The following SEPTIN6 variants were observed in gnomAD, a reference collection of about 807,000 sequenced individuals.
SEPTIN6 encodes the protein septin 6.
SEPTIN6 carries 8 observed loss-of-function variants against 33.6 expected under a neutral mutation model. That is an observed-to-expected ratio of 0.24 (90% CI 0.14 to 0.43). SEPTIN6 has a LOEUF of 0.43. SEPTIN6 is among the 20% of genes least tolerant of loss of function. SEPTIN6 has a pLI of 1.00. For synonymous variants in SEPTIN6, 131 were observed against 140.0 expected, an observed-to-expected ratio of 0.94 and a Z score of 0.45; for missense variants, 250 against 340.8, an observed-to-expected ratio of 0.73 and a Z score of 2.10.
In SEPTIN6 at chrX:119,667,312, C is replaced by A. The variant is rs1302421491; in HGVS notation, c.146-3635G>T. ...GAAGGCCTCAGGGGCAGCACCGCAGCGTTGAGGGACCCACCCTGTTTGCAC... is the reference window on the plus strand; with the variant it reads ...GAAGGCCTCAGGGGCAGCACCGCAGAGTTGAGGGACCCACCCTGTTTGCAC... On this transcript the variant is annotated intron_variant, in intron 2 of 10. Transcript: ENST00000394610. Among the ~76,000 whole-genome samples, 3 of 109,017 alleles carry A rather than the reference C, an allele frequency of 2.8e-5. No individual in the cohort carries two copies. The East Asian group carries it at 8.6e-4, about 31-fold the overall frequency. 94.7% of individuals were successfully genotyped at this position (109,017 alleles called of 115,157 possible).
At chrX:119,674,742 G>A (rs1487043603) in intron 2 of SEPTIN6, among the ~76,000 whole-genome samples, 2 of 111,951 alleles carry the variant, frequency 1.8e-5, no homozygotes, top group South Asian at 3.7e-4. Context: ...TGCTCACTTC[G>A]CAGAGTCCTG....
At chrX:119,636,437 G>T (rs778428486) in intron 7 of SEPTIN6, among the ~76,000 whole-genome samples, 3 of 111,874 alleles carry the variant, frequency 2.7e-5, no homozygotes, top group Non-Finnish European at 5.6e-5. Flanking sequence ...TAAGAAATAT[G>T]GCAGTGATGA....
chrX:119,681,590 A>T (rs1390957848), intron 1 of SEPTIN6, among the ~76,000 whole-genome samples: 1 of 111,721 alleles, frequency 9.0e-6, no homozygotes, highest in Admixed American at 9.6e-5. Context: ...CTAAATGTCC[A>T]ACAATAGGAA....
intron 2 of SEPTIN6, among the ~76,000 whole-genome samples, chrX:119,666,976 G>A (rs12012360): frequency 0.02 from 2,229 of 111,030 alleles, 58 homozygotes; most frequent in African/African-American, 0.068. Context: ...CGAGGGCACT[G>A]AGGTTTGAGC....
intron 7 of SEPTIN6, chrX:119,635,221 C>T: frequency 3.4e-6 from 1 of 292,514 alleles, no homozygotes; most frequent in Non-Finnish European, 6.7e-6. Flanking sequence ...CTTAAGAGGG[C>T]AGAAGATGAA....
At chrX:119,646,718 C>T (rs776520436) in intron 5 of SEPTIN6, 2 of 231,278 alleles carry the variant, frequency 8.6e-6, no homozygotes, top group Admixed American at 3.8e-5. Context: ...CAACAGATTT[C>T]TTCCGCTTCT....
chrX:119,643,307 A>G (rs994232485), intron 5 of SEPTIN6, among the ~76,000 whole-genome samples: 1 of 109,722 alleles, frequency 9.1e-6, no homozygotes, highest in African/African-American at 3.3e-5. Context: ...AAGAAAAACC[A>G]CGTTGTAGCA....
chrX:119,669,111 T>C (rs1983380542), intron 2 of SEPTIN6, among the ~76,000 whole-genome samples: 1 of 112,687 alleles, frequency 8.9e-6, no homozygotes, highest in African/African-American at 3.2e-5. Flanking sequence ...TAAAATAAAA[T>C]GTGGAAGAAG....
intron 1 of SEPTIN6, among the ~76,000 whole-genome samples, chrX:119,691,640 C>T (rs780403912): frequency 9.8e-5 from 11 of 111,723 alleles, no homozygotes; most frequent in Non-Finnish European, 1.9e-4. Flanking sequence ...AATGATCCTG[C>T]CCTTCCAAAC....
At chrX:119,649,423 G>T (rs1334176851) in intron 5 of SEPTIN6, among the ~76,000 whole-genome samples, 2 of 103,949 alleles carry the variant, frequency 1.9e-5, no homozygotes, top group Non-Finnish European at 3.9e-5. Flanking sequence ...AACATATCTC[G>T]GTTGCAGTGA....
intron 5 of SEPTIN6, among the ~76,000 whole-genome samples, chrX:119,649,111 A>ATTTTTTTT (rs200217501): frequency 4.0e-5 from 3 of 75,701 alleles, no homozygotes; most frequent in African/African-American, 5.6e-5. Flanking sequence ...CATAACGCTG[A>ATTTTTTTT]TTTTTTTTTT....
At chrX:119,689,739 T>A (rs1310128218) in intron 1 of SEPTIN6, among the ~76,000 whole-genome samples, 1 of 109,257 alleles carries the variant, frequency 9.2e-6, no homozygotes, top group East Asian at 2.9e-4. Context: ...GCCTCTTTTT[T>A]TTCTTTTTTG....
At chrX:119,647,173 G>A (rs1292083630) in intron 5 of SEPTIN6, among the ~76,000 whole-genome samples, 1 of 110,199 alleles carries the variant, frequency 9.1e-6, no homozygotes. Context: ...AGGCTACAGT[G>A]AGCTGAAATT....
intron 3 of SEPTIN6, among the ~76,000 whole-genome samples, chrX:119,654,371 C>T (rs1261713531): frequency 9.0e-6 from 1 of 111,682 alleles, no homozygotes; most frequent in Non-Finnish European, 1.9e-5. Flanking sequence ...TCAGCTCTGC[C>T]TCTTGTTCTC....
Position 119,618,719 on chromosome X carries a change from T to A in SEPTIN6, c.*1374A>T. 3 of 1,201,145 alleles carry A rather than the reference T, an allele frequency of 2.5e-6. No homozygotes were observed. Among genetic ancestry groups the A allele is most frequent in the Non-Finnish European group, 3.4e-6 (3 of 890,456 alleles). On this transcript the variant is annotated 3_prime_UTR_variant, in exon 11 of 11. Transcript: ENST00000394610. ...TGTCAGTTAAAATAGGAACCTCGGC[T>A]TAAAAGGCTAAATGGAGTCCAGTCC...
intron 1 of SEPTIN6, among the ~76,000 whole-genome samples, chrX:119,677,918 C>A (rs1474706393): frequency 8.9e-6 from 1 of 112,830 alleles, no homozygotes; most frequent in Admixed American, 9.4e-5. Flanking sequence ...TTGGTGTATT[C>A]TCTGCCCCAG....
intron 1 of SEPTIN6, among the ~76,000 whole-genome samples, chrX:119,678,407 C>T (rs2054881674): frequency 9.1e-6 from 1 of 110,085 alleles, no homozygotes; most frequent in African/African-American, 3.3e-5. Flanking sequence ...GTAGTCCCAG[C>T]TACTCAGGAG....
chrX:119,630,891 G>A (rs2053946503), intron 8 of SEPTIN6, among the ~76,000 whole-genome samples: 1 of 99,620 alleles, frequency 1.0e-5, no homozygotes, highest in African/African-American at 4.3e-5. Flanking sequence ...ACTCTGTCTC[G>A]GAAAAAAAAA....
rs755357139 is a variant in SEPTIN6 at position 119,657,981 on chromosome X, G to T, written c.342-4941C>A. Among the ~76,000 whole-genome samples, 235 of 111,003 alleles carry T rather than the reference G, an allele frequency of 2.1e-3. 2 individuals carry two copies. The highest frequency in any genetic ancestry group is 0.02 in the Admixed American group (208 of 10,424). On this transcript the variant is annotated intron_variant, in intron 3 of 10. Coordinates refer to ENST00000394610, the MANE Select transcript of SEPTIN6 (RefSeq NM_145799.4). ...TCTACTAAAAATACAAAAAAAATTAGCCGGGCGTGGTGGTGGGCGCCTGTA... is the reference window on the plus strand; with the variant it reads ...TCTACTAAAAATACAAAAAAAATTATCCGGGCGTGGTGGTGGGCGCCTGTA...
Sources: gnomAD v4.1 joint callset for allele counts (sites outside exome capture counted in the v4.1 genomes callset) on GRCh38, gnomAD v4.1.1 for gene constraint, MANE v1.5 for transcripts, NCBI Gene and HGNC (gene_info 2026-07-23, HGNC 2026-07-21) for gene names.